The following BTD variants were observed in gnomAD, a reference collection of about 807,000 sequenced individuals.
BTD encodes the protein biocytinase.
Under a neutral mutation model 17.7 loss-of-function variants are expected in BTD, and 13 were observed. The observed-to-expected ratio is 0.74, with a 90% CI of 0.48 to 1.17. The LOEUF (loss-of-function observed/expected upper bound fraction) is 1.17. Among genes scored for constraint, BTD ranks in the 50% most tolerant of loss-of-function variants. The pLI, the probability that BTD is intolerant of heterozygous loss-of-function variation, is 0.00. For synonymous variants in BTD, 240 were observed against 245.2 expected (o/e 0.98, Z 0.20); for missense variants, 674 against 650.4 (o/e 1.04, Z -0.39).
At chr3:15,620,676 A>G (rs996231081) in intron 1 of BTD, among the ~76,000 whole-genome samples, 2 of 152,260 alleles carry the variant, frequency 1.3e-5, no homozygotes, top group Non-Finnish European at 2.9e-5. Flanking sequence ...AGACAGGCAT[A>G]AGAAATTATA....
intron 3 of BTD, 65 bp downstream of exon 3, chr3:15,642,122 AAGCTGTGACATGTT>A: frequency 3.8e-6 from 6 of 1,599,784 alleles, no homozygotes; most frequent in Non-Finnish European, 5.1e-6. Context: ...CAGGGACCAG[AAGCTGTGACATGTT>A]AACTAAGATT....
chr3:15,613,735 G>A (rs568371203), intron 1 of BTD, among the ~76,000 whole-genome samples: 5 of 152,020 alleles, frequency 3.3e-5, no homozygotes, highest in Non-Finnish European at 7.4e-5. Flanking sequence ...AAAAGATCTT[G>A]AGCTTTTTAT....
chr3:15,602,060 TG>T, intron 1 of BTD, 166 bp downstream of exon 1: 1 of 1,451,640 alleles, frequency 6.9e-7, no homozygotes, highest in Non-Finnish European at 9.1e-7. Context: ...GTTGCTGCTG[TG>T]CTACCGCGTT....
intron 3 of BTD, among the ~76,000 whole-genome samples, chr3:15,663,502 TAATA>T (rs1306777207): frequency 1.3e-5 from 2 of 152,232 alleles, no homozygotes; most frequent in African/African-American, 2.4e-5. Flanking sequence ...TCCATTTCTC[TAATA>T]GATATAGGTC....
intron 3 of BTD, chr3:15,694,708 C>A: frequency 6.3e-7 from 1 of 1,588,684 alleles, no homozygotes; most frequent in Non-Finnish European, 8.6e-7. Context: ...AAACCAGCAG[C>A]CATCAAGTCG....
intron 3 of BTD, chr3:15,677,359 C>A (rs753943620): frequency 1.4e-5 from 10 of 702,492 alleles, no homozygotes; most frequent in Non-Finnish European, 2.4e-5. Context: ...TTCAAGAAAT[C>A]TAATACCAGT....
rs1010404494 is a variant in BTD, at chr3:15,646,764, T to A, written c.*1276T>A. 3.9e-5 allele frequency: 6 copies of A among 152,208 alleles called. No homozygotes were observed. The highest frequency in any genetic ancestry group is 7.3e-5 in the Non-Finnish European group (5 of 68,036). The allele number at this position is 152,208 out of a possible 1,614,324, so 9.4% of individuals were successfully genotyped here. On this transcript the variant is annotated 3_prime_UTR_variant, in exon 4 of 4. Coordinates refer to ENST00000643237, the MANE Select transcript of BTD (RefSeq NM_001370658.1). Reference sequence around the variant, plus strand: ...CTTTTTAGTTATTTTAAACAGTATATGCTTAAACATCACACGATTTTATAA... The same window carrying A: ...CTTTTTAGTTATTTTAAACAGTATAAGCTTAAACATCACACGATTTTATAA...
Position 15,645,172 on chromosome 3 carries a change from C to T in BTD, c.1256C>T (p.Ala419Val), listed in dbSNP as rs779141922. ...CCCACCTTATCCAAAGAGCTGTATG[C>T]CCTGGGGGTCTTTGATGGGCTTCAC... ...ERPTLSKELY[A>V]LGVFDGLHTV... Residue 419 changes from alanine (A) to valine (V), a missense_variant, in exon 4 of 4, where the codon GCC becomes GTC. Transcript: ENST00000643237. 6.2e-7 allele frequency: 1 copy of T among 1,614,162 alleles called. No individual in the cohort carries two copies. Among genetic ancestry groups the T allele is most frequent in the South Asian group, 1.1e-5 (1 of 91,076 alleles).
chr3:15,645,456 G>T lies in BTD; in HGVS notation c.1540G>T (p.Ala514Ser), dbSNP rs1465205581. The T allele has an allele frequency of 3.7e-6, 6 of 1,610,816 alleles. No homozygotes were observed. The highest frequency in any genetic ancestry group is 4.2e-6 in the Non-Finnish European group (5 of 1,180,028). ...GCTGTCCTCTGGGCTGGTGACGGCG[G>T]CTCTCTATGGGCGCTTGTATGAGAG... ...SRLSSGLVTA[A>S]LYGRLYERD The change falls in exon 4 of 4, where the codon GCT becomes TCT. Residue 514 changes from alanine (A) to serine (S), a missense_variant. Coordinates refer to ENST00000643237, the MANE Select transcript of BTD (RefSeq NM_001370658.1).
chr3:15,615,950 G>T (rs1471997765), intron 1 of BTD, among the ~76,000 whole-genome samples: 1 of 152,062 alleles, frequency 6.6e-6, no homozygotes, highest in Non-Finnish European at 1.5e-5. Flanking sequence ...TACATCTAAG[G>T]TTCCTCCATA....
At chr3:15,719,070 G>A (rs1333432994) in intron 4 of BTD, among the ~76,000 whole-genome samples, 3 of 152,070 alleles carry the variant, frequency 2.0e-5, no homozygotes, top group African/African-American at 7.2e-5. Context: ...TGATTTGACC[G>A]AGACCTAAAA....
chr3:15,644,969 T>C lies in BTD; in HGVS notation c.1053T>C (p.Cys351=). The C allele has an allele frequency of 1.2e-6, 2 of 1,614,108 alleles. No individual in the cohort carries two copies. The highest frequency in any genetic ancestry group is 1.7e-6 in the Non-Finnish European group (2 of 1,179,974). ...AAATTTTGTCAGGCGATCCGTACTGTGAGAAGGATGCTCAGGAAGTCCACT... is the reference window on the plus strand; with the variant it reads ...AAATTTTGTCAGGCGATCCGTACTGCGAGAAGGATGCTCAGGAAGTCCACT... ...FLKILSGDPY[C]EKDAQEVHCD... Residue 351 remains cysteine (C), a synonymous_variant, in exon 4 of 4, where the codon TGT becomes TGC. Transcript: ENST00000643237.
chr3:15,679,245 T>C (rs546469586), intron 3 of BTD: 139 of 1,512,984 alleles, frequency 9.2e-5, no homozygotes, highest in Middle Eastern at 5.1e-4. Flanking sequence ...GTTAGGATTA[T>C]AGGCATGAGC....
At chr3:15,712,149 G>C (rs1234311673) in exon 4 of BTD, 2 of 1,575,742 alleles carry the variant, frequency 1.3e-6, no homozygotes, top group Non-Finnish European at 1.7e-6. Context: ...CCTGAAGAAA[G>C]AAGTTTTCTG....
intron 3 of BTD, chr3:15,677,000 G>A (rs201334606): frequency 3.0e-4 from 486 of 1,612,746 alleles, no homozygotes; most frequent in Non-Finnish European, 4.0e-4. Flanking sequence ...TGGTTGCATT[G>A]ATGAGGTTTC....
At chr3:15,632,151 C>G (rs750542550) in intron 1 of BTD, among the ~76,000 whole-genome samples, 1 of 152,172 alleles carries the variant, frequency 6.6e-6, no homozygotes, top group Non-Finnish European at 1.5e-5. Context: ...CAAACATCAC[C>G]CTCTCATCGA....
rs1289625142 is a variant in BTD at position 15,650,485 on chromosome 3, AAATT to A, written c.*4998_*5001del. 5.3e-5 allele frequency among the ~76,000 whole-genome samples: 8 copies of A among 152,118 alleles called. No homozygotes were observed. Among genetic ancestry groups the A allele is most frequent in the African/African-American group, 1.7e-4 (7 of 41,420 alleles). On this transcript the variant is annotated 3_prime_UTR_variant, in exon 4 of 4. Coordinates refer to ENST00000643237, the MANE Select transcript of BTD (RefSeq NM_001370658.1). ...ACTCGTAACTGGGGAGTCTAAGAAT[AAATT>A]CTCTTCAGCCATTGCTGAATCTAGG...
chr3:15,672,948 G>GT (rs960355507), intron 3 of BTD, among the ~76,000 whole-genome samples: 6 of 152,166 alleles, frequency 3.9e-5, no homozygotes, highest in Admixed American at 3.9e-4. Flanking sequence ...GCTAATTTTT[G>GT]TATTTTTAGT....
intron 3 of BTD, among the ~76,000 whole-genome samples, 165 bp from the exon 4 acceptor site, chr3:15,644,151 C>T (rs893526306): frequency 1.4e-4 from 21 of 152,116 alleles, no homozygotes; most frequent in African/African-American, 4.8e-4. Context: ...CAGGCATCCA[C>T]CACCACGCCC....
Sources: allele counts gnomAD v4.1 joint callset (sites outside exome capture counted in the v4.1 genomes callset), GRCh38; gene constraint gnomAD v4.1.1; transcripts MANE v1.5; gene names NCBI Gene and HGNC (gene_info 2026-07-23, HGNC 2026-07-21).